The following TMEM242 variants were observed in gnomAD, a reference collection of about 807,000 sequenced individuals.
TMEM242 encodes the protein transmembrane protein 242.
TMEM242 carries 10 observed loss-of-function variants against 18.2 expected under a neutral mutation model. The ratio of observed to expected loss-of-function variants is 0.55; its 90% CI spans 0.34 to 0.93. TMEM242 has a LOEUF of 0.93. Ranked by LOEUF, TMEM242 falls within the 40% of genes least tolerant of loss-of-function variation. The pLI is 0.02. For missense variants in TMEM242, 186 were observed against 175.5 expected, an observed-to-expected ratio of 1.06 and a Z score of -0.34; for synonymous variants, 57 against 69.9, an observed-to-expected ratio of 0.81 and a Z score of 0.92.
At chr6:157,310,986 G>C (rs868927640) in intron 3 of TMEM242, among the ~76,000 whole-genome samples, 18 of 706 alleles carry the variant, frequency 0.025, no homozygotes, top group African/African-American at 0.064. Flanking sequence ...GTCCCAGTAT[G>C]CGCTAACCTA....
At position 157,290,501 on chromosome 6, in the gene TMEM242, C is replaced by T. The variant is rs1051530583; in HGVS notation, c.*2400G>A. The T allele has an allele frequency of 2.2e-4, 34 of 152,364 alleles. No homozygotes were observed. Among genetic ancestry groups the T allele is most frequent in the East Asian group, 5.8e-4 (3 of 5,196 alleles). The allele number at this position is 152,364 out of a possible 1,614,324, so 9.4% of individuals were successfully genotyped here. A position where few individuals can be genotyped will look rare whatever the true frequency, so the allele number is the denominator to read the frequency against. On this transcript the variant is annotated 3_prime_UTR_variant, in exon 4 of 4. Transcript: ENST00000400788. ...AGAAGGCAAACTTGAAATTCCATCA[C>T]ATTTCCTCTCTTCCATATCCAGGGA...
intron 3 of TMEM242, among the ~76,000 whole-genome samples, chr6:157,311,451 T>A (rs1418263638): frequency 0.033 from 2,611 of 79,116 alleles, 15 homozygotes; most frequent in Admixed American, 0.04. Flanking sequence ...TGTCCCAGTG[T>A]GCAATCACCT....
intron 1 of TMEM242, 72 bp downstream of exon 1, chr6:157,323,339 GC>G: frequency 6.7e-7 from 1 of 1,495,270 alleles, no homozygotes; most frequent in African/African-American, 1.4e-5. Flanking sequence ...GTGTGGGAAT[GC>G]CCGCTCCAGA....
chr6:157,313,131 A>T (rs1778246674), intron 3 of TMEM242, among the ~76,000 whole-genome samples: 2 of 148,314 alleles, frequency 1.3e-5, no homozygotes, highest in East Asian at 2.0e-4. Flanking sequence ...CGGCCTCATC[A>T]TAGTGTCCCA....
intron 2 of TMEM242, 55 bp from the exon 3 acceptor site, chr6:157,318,974 A>C: frequency 6.7e-7 from 1 of 1,494,380 alleles, no homozygotes; most frequent in Non-Finnish European, 8.9e-7. Flanking sequence ...AAGAATAAGC[A>C]TTCTGGGGGT....
intron 2 of TMEM242, among the ~76,000 whole-genome samples, chr6:157,321,208 T>C (rs1263402345): frequency 6.6e-6 from 1 of 151,908 alleles, no homozygotes; most frequent in South Asian, 2.1e-4. Context: ...CGGGGTTTCA[T>C]CGTGTTAGCA....
At chr6:157,299,795 A>C (rs1777802030) in intron 3 of TMEM242, 1 of 1,607,610 alleles carries the variant, frequency 6.2e-7, no homozygotes, top group East Asian at 2.2e-5. Flanking sequence ...TGGCGTTTTC[A>C]TGAAAGGGCT....
chr6:157,298,945 G>A (rs587765029), intron 3 of TMEM242: 1 of 166,252 alleles, frequency 6.0e-6, no homozygotes, highest in South Asian at 1.7e-4. Flanking sequence ...CCACTTTCCT[G>A]TTTCCATATT....
rs1554246819 is a variant in TMEM242, at chr6:157,291,333, G to A, written c.*1568C>T. 2.0e-5 allele frequency: 3 copies of A among 152,000 alleles called. No homozygotes were observed. Among genetic ancestry groups the A allele is most frequent in the Admixed American group, 6.6e-5 (1 of 15,242 alleles). The allele number at this position is 152,000 out of a possible 1,614,324, so 9.4% of individuals were successfully genotyped here. A position where few individuals can be genotyped will look rare whatever the true frequency, so the allele number is the denominator to read the frequency against. The stretch of plus-strand genomic sequence containing the variant: ...CCACATCAAACGAGTAAAGTGCATC[G>A]TTGTAACAAGGTTTGAGGGCCATCT... On this transcript the variant is annotated 3_prime_UTR_variant, in exon 4 of 4. Coordinates refer to ENST00000400788, the MANE Select transcript of TMEM242 (RefSeq NM_018452.6).
chr6:157,323,329 G>C (rs2128418271), intron 1 of TMEM242, 83 bp downstream of exon 1: 1 of 1,428,054 alleles, frequency 7.0e-7, no homozygotes, highest in East Asian at 2.3e-5. Context: ...AGCGGGATGT[G>C]TGTGGGAATG....
At chr6:157,318,602 T>C in intron 3 of TMEM242, 180 bp downstream of exon 3, 1 of 606,146 alleles carries the variant, frequency 1.6e-6, no homozygotes, top group Non-Finnish European at 2.8e-6. Context: ...CTTCAAAAAT[T>C]GTATTTATTA....
intron 3 of TMEM242, among the ~76,000 whole-genome samples, chr6:157,302,440 A>G (rs1240345161): frequency 1.3e-5 from 2 of 152,218 alleles, no homozygotes; most frequent in African/African-American, 4.8e-5. Flanking sequence ...GCTACTTTCT[A>G]TAGTCATTTT....
rs2128412096 is a variant in TMEM242, at chr6:157,289,612, C to T, written c.*3289G>A. ...CCTTCCCCATAAACCAAGATTTAAT[C>T]TTGGAGATTAAATGTTGCCCCAAGT... On this transcript the variant is annotated 3_prime_UTR_variant, in exon 4 of 4. Coordinates refer to ENST00000400788, the MANE Select transcript of TMEM242 (RefSeq NM_018452.6). 1 of 152,274 alleles carries T rather than the reference C, an allele frequency of 6.6e-6. No individual in the cohort carries two copies. 9.4% of individuals were successfully genotyped at this position (152,274 alleles called of 1,614,324 possible). A position where few individuals can be genotyped will look rare whatever the true frequency, so the allele number is the denominator to read the frequency against.
intron 3 of TMEM242, among the ~76,000 whole-genome samples, chr6:157,308,004 C>T (rs1554248042): frequency 1.3e-5 from 2 of 152,184 alleles, no homozygotes; most frequent in African/African-American, 4.8e-5. Flanking sequence ...CTCACACTTC[C>T]CCTGCAGATC....
chr6:157,292,580 T>C lies in TMEM242; in HGVS notation c.*321A>G, dbSNP rs912671500. 5 of 212,866 alleles carry C rather than the reference T, an allele frequency of 2.3e-5. No individual in the cohort carries two copies. The highest frequency in any genetic ancestry group is 1.1e-4 in the African/African-American group (5 of 43,796). 13.2% of individuals were successfully genotyped at this position (212,866 alleles called of 1,614,324 possible). ...TATAAATATTTTCTTATCATACTTT[T>C]ATTATAAACTTTTTTAGTATGAAAT... On this transcript the variant is annotated 3_prime_UTR_variant, in exon 4 of 4. Transcript: ENST00000400788.
chr6:157,310,479 C>T (rs1554248300), intron 3 of TMEM242, among the ~76,000 whole-genome samples: 7 of 78,920 alleles, frequency 8.9e-5, no homozygotes, highest in South Asian at 4.4e-4. Flanking sequence ...CCAGTGTGTG[C>T]TCACCTAGCC....
chr6:157,322,331 A>G (rs587762177), intron 2 of TMEM242, among the ~76,000 whole-genome samples: 19 of 152,252 alleles, frequency 1.2e-4, no homozygotes, highest in African/African-American at 4.6e-4. Flanking sequence ...GGTTTTCGCC[A>G]TGTTGGCCAG....
At chr6:157,307,523 T>C (rs1554248013) in intron 3 of TMEM242, among the ~76,000 whole-genome samples, 1 of 152,162 alleles carries the variant, frequency 6.6e-6, no homozygotes, top group East Asian at 1.9e-4. Flanking sequence ...TTATCTCCCA[T>C]CTTAAACTGA....
chr6:157,300,045 G>T, intron 3 of TMEM242: 1 of 852,450 alleles, frequency 1.2e-6, no homozygotes, highest in South Asian at 1.4e-5. Flanking sequence ...CGCGCTGCCT[G>T]ACTGGGACAC....
Sources: gnomAD v4.1 joint callset for allele counts (sites outside exome capture counted in the v4.1 genomes callset) on GRCh38, gnomAD v4.1.1 for gene constraint, MANE v1.5 for transcripts, NCBI Gene and HGNC (gene_info 2026-07-23, HGNC 2026-07-21) for gene names.